TMIGD3: variants seen among roughly 807,000 people sequenced by gnomAD.
TMIGD3 encodes the protein transmembrane and immunoglobulin domain containing 3, also known as AD026 protein (AD026).
TMIGD3 carries 21 observed loss-of-function variants against 28.1 expected under a neutral mutation model. The ratio of observed to expected loss-of-function variants is 0.75; its 90% confidence interval spans 0.53 to 1.08. The LOEUF (loss-of-function observed/expected upper bound fraction) is 1.08. Ranked by LOEUF, TMIGD3 falls within the 50% of genes least tolerant of loss-of-function variation. The pLI is 0.00. For missense variants in TMIGD3, 416 were observed against 435.6 expected, an observed-to-expected ratio of 0.96 and a Z score of 0.40; for synonymous variants, 151 against 162.1, an observed-to-expected ratio of 0.93 and a Z score of 0.52.
intron 1 of TMIGD3, among the ~76,000 whole-genome samples, chr1:111,540,148 T>C (rs11102305): frequency 0.14 from 20,600 of 152,254 alleles, 2,322 homozygotes; most frequent in East Asian, 0.47. Flanking sequence ...ATTTGTTAAC[T>C]TGGTTAAAAT....
intron 1 of TMIGD3, among the ~76,000 whole-genome samples, chr1:111,521,290 T>C (rs1425931087): frequency 1.3e-5 from 2 of 152,178 alleles, no homozygotes; most frequent in African/African-American, 4.8e-5. Flanking sequence ...TTGGGGTAAA[T>C]ACCTCGTTAT....
chr1:111,551,766 G>GTTTTGTTTT lies in TMIGD3; in HGVS notation c.107+12079_107+12080insAAAACAAAA, dbSNP rs143200472. Among the ~76,000 whole-genome samples, 554 of 149,234 alleles carry GTTTTGTTTT rather than the reference G, an allele frequency of 3.7e-3. 2 individuals are homozygous for GTTTTGTTTT. The highest frequency in any genetic ancestry group is 0.013 in the African/African-American group (527 of 40,810). On this transcript the variant is annotated intron_variant, in intron 1 of 5. Transcript: ENST00000369717. ...TTTTGGTTTTGTTTTGTTTTGTTTT[G>GTTTTGTTTT]TTTTTTTGAGATGGAGTCTTTACAG...
chr1:111,539,036 T>C (rs1656733406), intron 1 of TMIGD3, among the ~76,000 whole-genome samples: 2 of 152,220 alleles, frequency 1.3e-5, no homozygotes, highest in South Asian at 2.1e-4. Flanking sequence ...ATCCCAGCCT[T>C]AGCAAGAGGT....
At chr1:111,533,979 T>C (rs1449319576) in intron 1 of TMIGD3, among the ~76,000 whole-genome samples, 1 of 152,194 alleles carries the variant, frequency 6.6e-6, no homozygotes, top group African/African-American at 2.4e-5. Flanking sequence ...TGTCGGTTTC[T>C]TCATATAAAA....
In TMIGD3 at chr1:111,500,338, A is replaced by G. The variant is rs777412089; in HGVS notation, c.350+2667T>C. On this transcript the variant is annotated intron_variant, in intron 1 of 5. Transcript: ENST00000369716. ...AAGATAGATGGCGCACATGACAACC[A>G]GGGGGATGAAAATCCAGGTGAGGAA... 5.0e-6 allele frequency: 8 copies of G among 1,614,144 alleles called. No homozygotes were observed. The East Asian group carries it at 1.3e-4, about 27-fold the overall frequency.
At chr1:111,491,188 T>C (rs1654641030) in intron 1 of TMIGD3, among the ~76,000 whole-genome samples, 1 of 152,244 alleles carries the variant, frequency 6.6e-6, no homozygotes, top group Admixed American at 6.5e-5. Flanking sequence ...AGCTCCCAAG[T>C]GGACACTGCA....
chr1:111,510,066 G>A (rs957229010), intron 1 of TMIGD3, among the ~76,000 whole-genome samples: 31 of 152,182 alleles, frequency 2.0e-4, no homozygotes, highest in African/African-American at 6.0e-4. Context: ...TATCCTAATG[G>A]GTAGACTTGC....
At chr1:111,511,420 A>T (rs6537705) in intron 1 of TMIGD3, among the ~76,000 whole-genome samples, 137,687 of 152,134 alleles carry the variant, frequency 0.91, 62,845 homozygotes, top group East Asian at 0.99. Context: ...TGGCTATACC[A>T]CTCTATGTCC....
At chr1:111,525,524 T>C (rs1400032462) in intron 1 of TMIGD3, among the ~76,000 whole-genome samples, 2 of 152,232 alleles carry the variant, frequency 1.3e-5, no homozygotes, top group Non-Finnish European at 2.9e-5. Context: ...TGGTGTATGA[T>C]TTTTAATCTT....
At chr1:111,559,407 A>G (rs1657641757) in intron 1 of TMIGD3, among the ~76,000 whole-genome samples, 1 of 152,186 alleles carries the variant, frequency 6.6e-6, no homozygotes, top group Non-Finnish European at 1.5e-5. Flanking sequence ...CCTATTCTTT[A>G]TGAAACTTAG....
rs111863179 is a variant in TMIGD3 at position 111,526,345 on chromosome 1, G to A, written c.108-35583C>T. On this transcript the variant is annotated intron_variant, in intron 1 of 5. Transcript: ENST00000369717. ...CCCCATGCTATTCTTGTGATAATGA[G>A]TAAGTTCTCATGAGAGCTAATGGTT... Among the ~76,000 whole-genome samples, 1,000 of 152,278 alleles carry A rather than the reference G, an allele frequency of 6.6e-3. 8 individuals carry two copies. The highest frequency in any genetic ancestry group is 9.1e-3 in the Non-Finnish European group (619 of 68,030).
chr1:111,559,680 A>T (rs947302870), intron 1 of TMIGD3, among the ~76,000 whole-genome samples: 1 of 152,214 alleles, frequency 6.6e-6, no homozygotes, highest in Non-Finnish European at 1.5e-5. Flanking sequence ...TTAATATTTA[A>T]AACATCCATG....
chr1:111,545,663 G>T lies in TMIGD3; in HGVS notation c.107+18183C>A, dbSNP rs147810298. 2.8e-3 allele frequency among the ~76,000 whole-genome samples: 432 copies of T among 152,120 alleles called. 4 individuals carry two copies. Among genetic ancestry groups the T allele is most frequent in the African/African-American group, 9.9e-3 (412 of 41,526 alleles). On this transcript the variant is annotated intron_variant, in intron 1 of 5. Coordinates refer to the TMIGD3 transcript ENST00000369717. ...CTTCTCTATTTGTCTTTTATTGCTT[G>T]TGCTTTTTGTGTCATATTTAAGAAA... is the stretch of plus-strand genomic sequence containing the variant.
intron 1 of TMIGD3, among the ~76,000 whole-genome samples, chr1:111,525,231 T>A (rs941169785): frequency 9.2e-5 from 14 of 152,266 alleles, no homozygotes; most frequent in African/African-American, 3.1e-4. Context: ...GCTGACTTCC[T>A]GTCTACTTGT....
At chr1:111,497,696 G>A (rs991055011) in intron 1 of TMIGD3, among the ~76,000 whole-genome samples, 1 of 152,082 alleles carries the variant, frequency 6.6e-6, no homozygotes, top group African/African-American at 2.4e-5. Flanking sequence ...GAGGAAGAGG[G>A]AAGAAAAGAA....
Position 111,503,074 on chromosome 1 carries a change from G to A in TMIGD3, c.281C>T (p.Thr94Ile). 2 of 1,614,208 alleles carry A rather than the reference G, an allele frequency of 1.2e-6. No homozygotes were observed. Among genetic ancestry groups the A allele is most frequent in the Non-Finnish European group, 8.5e-7 (1 of 1,180,026 alleles). ...LFMTCLLLIF[T>I]HASIMSLLAI... ...CAGCAAGGACATGATGGAGGCGTGG[G>A]TAAAGATAAGCAGTAGGCAAGTCAT... Residue 94 changes from threonine (T) to isoleucine (I), a missense_variant, in exon 1 of 6, where the codon ACC (threonine) becomes ATC (isoleucine). Coordinates refer to ENST00000369716, the MANE Select transcript of TMIGD3 (RefSeq NM_020683.7).
chr1:111,494,935 C>A (rs1166552269), intron 1 of TMIGD3, among the ~76,000 whole-genome samples: 1 of 152,202 alleles, frequency 6.6e-6, no homozygotes, highest in Admixed American at 6.5e-5. Flanking sequence ...GGATAACTGG[C>A]TAGCCATATG....
chr1:111,510,577 C>T (rs1327230982), intron 1 of TMIGD3, among the ~76,000 whole-genome samples: 3 of 152,110 alleles, frequency 2.0e-5, no homozygotes, highest in South Asian at 4.2e-4. Context: ...TGTTCGGTCT[C>T]GGTAATCACA....
At chr1:111,563,039 G>T (rs1334592384) in intron 1 of TMIGD3, among the ~76,000 whole-genome samples, 9 of 152,318 alleles carry the variant, frequency 5.9e-5, no homozygotes, top group African/African-American at 1.7e-4. Context: ...TTGTGGATGA[G>T]AAAACTAAGG....
Sources: allele counts gnomAD v4.1 joint callset (sites outside exome capture counted in the v4.1 genomes callset), GRCh38; gene constraint gnomAD v4.1.1; transcripts MANE v1.5; gene names NCBI Gene and HGNC (gene_info 2026-07-23, HGNC 2026-07-21).